Variants in NCKAP5 observed in about 807,000 individuals in gnomAD.
NCKAP5 encodes the protein NCK associated protein 5, also known as nck-associated protein 5.
NCKAP5 carries 92 observed loss-of-function variants against 167.0 expected under a neutral mutation model. The ratio of observed to expected loss-of-function variants is 0.55; its 90% CI spans 0.47 to 0.66. The LOEUF (loss-of-function observed/expected upper bound fraction) is 0.66, where lower values mean the gene tolerates loss of function less well. Among genes scored for constraint, NCKAP5 ranks in the 30% least tolerant of loss-of-function variants. NCKAP5 has a pLI of 0.00. For synonymous variants in NCKAP5, 891 were observed against 877.4 expected (o/e 1.02, Z -0.27); for missense variants, 2,378 against 2,315.0 (o/e 1.03, Z -0.56).
chr2:133,283,810 C>T (rs1410530164), intron 4 of NCKAP5, among the ~76,000 whole-genome samples: 1 of 152,062 alleles, frequency 6.6e-6, no homozygotes, highest in Non-Finnish European at 1.5e-5. Context: ...AGGGTTTCAC[C>T]ATGTTGGCCA....
chr2:132,876,471 A>G lies in NCKAP5; in HGVS notation c.648+2377T>C, dbSNP rs72850139. ...ACCCACTAGCAAGGAAAAAACTTAC[A>G]TAAGGCCTTACCTTGTTAGTTTGTT... On this transcript the variant is annotated intron_variant, in intron 9 of 19. Coordinates refer to ENST00000409261, the MANE Select transcript of NCKAP5 (RefSeq NM_207363.3). Among the ~76,000 whole-genome samples, 783 of 152,346 alleles carry G rather than the reference A, an allele frequency of 5.1e-3. 2 individuals are homozygous for G. The highest frequency in any genetic ancestry group is 0.017 in the Middle Eastern group (5 of 294).
chr2:132,884,907 A>G (rs1329042846), intron 8 of NCKAP5, among the ~76,000 whole-genome samples: 3 of 152,214 alleles, frequency 2.0e-5, no homozygotes, highest in Non-Finnish European at 4.4e-5. Context: ...AATTACCGTC[A>G]TTATACCGTT....
In NCKAP5 at chr2:132,672,967, C is replaced by A; in HGVS notation, c.*322G>T. The A allele has an allele frequency of 7.4e-6, 1 of 135,120 alleles. No individual in the cohort carries two copies. The highest frequency in any genetic ancestry group is 1.2e-5 in the Non-Finnish European group (1 of 80,054). 8.4% of individuals were successfully genotyped at this position (135,120 alleles called of 1,614,324 possible). On this transcript the variant is annotated 3_prime_UTR_variant, in exon 20 of 20. Transcript: ENST00000409261. ...CTATCAAGCGGTGCACCCCCCACCC[C>A]CCACCCATCATTTCTTAAGCGCTCC...
chr2:133,115,709 T>G (rs1206181589), intron 6 of NCKAP5, among the ~76,000 whole-genome samples: 3 of 149,170 alleles, frequency 2.0e-5, no homozygotes, highest in African/African-American at 7.3e-5. Flanking sequence ...TTTACATGTG[T>G]GTGGACATAC....
intron 6 of NCKAP5, among the ~76,000 whole-genome samples, chr2:133,074,601 A>G (rs548534990): frequency 1.3e-5 from 2 of 152,262 alleles, no homozygotes; most frequent in South Asian, 4.2e-4. Flanking sequence ...AGCTCAAGCA[A>G]TCTGCCTGCC....
chr2:133,059,800 G>GA (rs2079934392), intron 6 of NCKAP5, among the ~76,000 whole-genome samples: 1 of 152,024 alleles, frequency 6.6e-6, no homozygotes, highest in Admixed American at 6.5e-5. Flanking sequence ...ATGGAGAAAT[G>GA]AAAAAATTCA....
At chr2:133,344,000 G>A (rs778964212) in intron 3 of NCKAP5, among the ~76,000 whole-genome samples, 1 of 152,166 alleles carries the variant, frequency 6.6e-6, no homozygotes, top group Non-Finnish European at 1.5e-5. Flanking sequence ...ATGTGAAGAA[G>A]CAAAGTTGGG....
chr2:133,270,981 A>G (rs1414287824), intron 4 of NCKAP5, among the ~76,000 whole-genome samples: 1 of 143,590 alleles, frequency 7.0e-6, no homozygotes, highest in Non-Finnish European at 1.5e-5. Flanking sequence ...GTGCAGTGGC[A>G]TGATCTCAGC....
intron 19 of NCKAP5, among the ~76,000 whole-genome samples, chr2:132,674,822 ATAC>A (rs1684221585): frequency 6.6e-6 from 1 of 152,178 alleles, no homozygotes; most frequent in Non-Finnish European, 1.5e-5. Flanking sequence ...TTATTTCATT[ATAC>A]TACTAACGTG....
chr2:133,284,166 T>TATA (rs1040439182), intron 4 of NCKAP5, among the ~76,000 whole-genome samples: 1 of 151,794 alleles, frequency 6.6e-6, no homozygotes, highest in Non-Finnish European at 1.5e-5. Context: ...TGTGCATATA[T>TATA]ATATATATGA....
At chr2:132,723,800 C>T (rs563442216) in intron 19 of NCKAP5, among the ~76,000 whole-genome samples, 3 of 152,300 alleles carry the variant, frequency 2.0e-5, no homozygotes, top group Admixed American at 6.5e-5. Flanking sequence ...TGCCTGGATG[C>T]CTGTAACAGT....
chr2:133,222,479 C>T (rs1301914506), intron 4 of NCKAP5, among the ~76,000 whole-genome samples: 27 of 152,034 alleles, frequency 1.8e-4, no homozygotes, highest in Admixed American at 1.8e-3. Context: ...CTCTGGCAAA[C>T]CACTGTATAC....
At chr2:132,725,884 G>T (rs1192503386) in intron 18 of NCKAP5, 125 bp from the exon 19 acceptor site, 2 of 1,002,428 alleles carry the variant, frequency 2.0e-6, no homozygotes, top group East Asian at 5.7e-5. Context: ...CATTCCCACT[G>T]CCCAGCCCGC....
intron 19 of NCKAP5, among the ~76,000 whole-genome samples, chr2:132,690,724 G>A (rs1238625851): frequency 1.3e-5 from 2 of 152,106 alleles, no homozygotes; most frequent in East Asian, 1.9e-4. Flanking sequence ...CTTCTGGGAA[G>A]GTTCAGCCAA....
chr2:132,749,329 C>T (rs1232885983), intron 16 of NCKAP5, among the ~76,000 whole-genome samples: 1 of 152,030 alleles, frequency 6.6e-6, no homozygotes, highest in Non-Finnish European at 1.5e-5. Context: ...TCAGCCTCCT[C>T]AGTAGCTGGG....
At chr2:133,132,039 C>G (rs1284135847) in intron 5 of NCKAP5, among the ~76,000 whole-genome samples, 2 of 151,992 alleles carry the variant, frequency 1.3e-5, no homozygotes. Flanking sequence ...CCTGTAATCC[C>G]AGCACTTTGG....
At chr2:132,954,650 G>T (rs1265586998) in intron 8 of NCKAP5, 2 of 454,146 alleles carry the variant, frequency 4.4e-6, no homozygotes, top group Admixed American at 2.4e-5. Flanking sequence ...GGAGAAACAG[G>T]CTACTTAACT....
intron 7 of NCKAP5, among the ~76,000 whole-genome samples, chr2:132,971,592 G>C (rs1469339460): frequency 6.6e-6 from 1 of 152,212 alleles, no homozygotes; most frequent in Non-Finnish European, 1.5e-5. Context: ...AGAAAAACAA[G>C]ATGCTGCTGC....
chr2:133,464,532 A>G (rs1325668729), intron 3 of NCKAP5, among the ~76,000 whole-genome samples: 1 of 152,180 alleles, frequency 6.6e-6, no homozygotes. Context: ...TACTAAAAAT[A>G]CAAAAAAATT....
Sources: allele counts gnomAD v4.1 joint callset (sites outside exome capture counted in the v4.1 genomes callset), GRCh38; gene constraint gnomAD v4.1.1; transcripts MANE v1.5; gene names NCBI Gene and HGNC (gene_info 2026-07-23, HGNC 2026-07-21).